Variants in PDE1A observed in about 807,000 individuals in gnomAD.
PDE1A encodes dual specificity calcium/calmodulin-dependent 3',5'-cyclic nucleotide phosphodiesterase 1A.
In PDE1A, 35 loss-of-function variants were observed where a neutral mutation model predicts 61.7. The ratio of observed to expected loss-of-function variants is 0.57; its 90% confidence interval spans 0.43 to 0.75. The LOEUF (loss-of-function observed/expected upper bound fraction) is 0.75. PDE1A is among the 30% of genes least tolerant of loss of function. The pLI is 0.00. For missense variants in PDE1A, 597 were observed against 630.6 expected, an observed-to-expected ratio of 0.95 and a Z score of 0.57; for synonymous variants, 232 against 213.2, an observed-to-expected ratio of 1.09 and a Z score of -0.77.
At chr2:182,307,821 A>G (rs1463089553) in intron 1 of PDE1A, among the ~76,000 whole-genome samples, 3 of 152,092 alleles carry the variant, frequency 2.0e-5, no homozygotes, top group Non-Finnish European at 4.4e-5. Flanking sequence ...ATGCCACTGA[A>G]CTCTAGCATG....
chr2:182,151,806 T>C (rs1194532338), intron 13 of PDE1A, among the ~76,000 whole-genome samples: 1 of 152,236 alleles, frequency 6.6e-6, no homozygotes, highest in Non-Finnish European at 1.5e-5. Context: ...AATGATTTAA[T>C]AGCTTATTTT....
chr2:182,467,421 C>T (rs1686745947), intron 2 of PDE1A, among the ~76,000 whole-genome samples: 1 of 151,502 alleles, frequency 6.6e-6, no homozygotes, highest in Admixed American at 6.6e-5. Flanking sequence ...TAAAACCTTC[C>T]CAAAAGGAAA....
the PDE1A span, among the ~76,000 whole-genome samples, chr2:182,537,101 CTG>C: frequency 6.6e-6 from 1 of 152,184 alleles, no homozygotes; most frequent in Non-Finnish European, 1.5e-5. Flanking sequence ...CTCACAGAAA[CTG>C]TGAGAAATAA....
At chr2:182,244,212 T>C (rs772415674) in intron 2 of PDE1A, among the ~76,000 whole-genome samples, 1 of 152,188 alleles carries the variant, frequency 6.6e-6, no homozygotes, top group Non-Finnish European at 1.5e-5. Context: ...CATTTTTTTC[T>C]GTTCCATTTG....
intron 1 of PDE1A, among the ~76,000 whole-genome samples, chr2:182,409,353 T>G (rs1702481721): frequency 6.6e-6 from 1 of 152,184 alleles, no homozygotes; most frequent in African/African-American, 2.4e-5. Flanking sequence ...ACCAATTAAA[T>G]AAGGCCCAAG....
At chr2:182,576,288 G>A in the PDE1A span, among the ~76,000 whole-genome samples, 1 of 151,980 alleles carries the variant, frequency 6.6e-6, no homozygotes, top group Non-Finnish European at 1.5e-5. Flanking sequence ...GACTACTGTA[G>A]GTACCTCTTA....
intron 7 of PDE1A, among the ~76,000 whole-genome samples, chr2:182,209,846 C>G (rs897901221): frequency 2.6e-5 from 4 of 152,098 alleles, no homozygotes; most frequent in African/African-American, 9.7e-5. Context: ...TCAATTGAAC[C>G]TCTTTTCTTT....
At chr2:182,530,975 T>G in the PDE1A span, among the ~76,000 whole-genome samples, 1 of 152,036 alleles carries the variant, frequency 6.6e-6, no homozygotes, top group Non-Finnish European at 1.5e-5. Context: ...ATATATAAAA[T>G]TATTATAAAT....
the PDE1A span, among the ~76,000 whole-genome samples, chr2:182,690,343 G>A: frequency 6.6e-6 from 1 of 152,196 alleles, no homozygotes; most frequent in East Asian, 1.9e-4. Flanking sequence ...GATCAAGTGG[G>A]CTTCATCCCT....
chr2:182,173,616 T>C (rs1208973755), intron 13 of PDE1A, among the ~76,000 whole-genome samples: 1 of 151,872 alleles, frequency 6.6e-6, no homozygotes, highest in East Asian at 1.9e-4. Flanking sequence ...ATGATCTCAT[T>C]TAAACTTCTA....
intron 1 of PDE1A, among the ~76,000 whole-genome samples, chr2:182,356,391 T>C (rs1460280165): frequency 6.6e-6 from 1 of 152,198 alleles, no homozygotes; most frequent in Admixed American, 6.5e-5. Flanking sequence ...AAATCGTATA[T>C]TAAGAATTTT....
intron 1 of PDE1A, among the ~76,000 whole-genome samples, chr2:182,416,837 C>G (rs781381896): frequency 6.6e-6 from 1 of 152,128 alleles, no homozygotes; most frequent in Non-Finnish European, 1.5e-5. Context: ...TACAAAACTT[C>G]TAATATGCTT....
At chr2:182,703,966 T>C in the PDE1A span, among the ~76,000 whole-genome samples, 1 of 151,552 alleles carries the variant, frequency 6.6e-6, no homozygotes, top group Non-Finnish European at 1.5e-5. Flanking sequence ...TTTGGGAGGC[T>C]GAGGCGGGAG....
chr2:182,407,029 C>T (rs995388996), intron 1 of PDE1A, among the ~76,000 whole-genome samples: 95 of 152,054 alleles, frequency 6.2e-4, no homozygotes, highest in Admixed American at 9.2e-4. Context: ...CTATTTTCCC[C>T]GAGAGTACTT....
rs74612910 is a variant in PDE1A, at chr2:182,384,872, T to A, written c.53+41706A>T. On this transcript the variant is annotated intron_variant, in intron 1 of 13. Coordinates refer to ENST00000351439, the Ensembl canonical transcript of PDE1A. ...AATAAGACTACCCCAGTACCTATTA[T>A]AATCAAACTGTCAAAAACTCAAAGA... is the stretch of plus-strand genomic sequence containing the variant. Among the ~76,000 whole-genome samples the A allele has an allele frequency of 5.6e-3, 860 of 152,242 alleles. 7 individuals carry two copies. The highest frequency in any genetic ancestry group is 0.02 in the African/African-American group (829 of 41,546).
intron 10 of PDE1A, among the ~76,000 whole-genome samples, chr2:182,200,646 C>T (rs1350704253): frequency 6.6e-6 from 1 of 152,140 alleles, no homozygotes; most frequent in African/African-American, 2.4e-5. Flanking sequence ...AAGGATAGCA[C>T]TTTTGAAGTT....
At chr2:182,150,243 G>A (rs1237722783) in intron 13 of PDE1A, among the ~76,000 whole-genome samples, 1 of 152,148 alleles carries the variant, frequency 6.6e-6, no homozygotes, top group African/African-American at 2.4e-5. Flanking sequence ...CCCTCTCTAA[G>A]TATTCTGACC....
At chr2:182,202,992 G>A (rs1379647706) in intron 8 of PDE1A, among the ~76,000 whole-genome samples, 1 of 152,184 alleles carries the variant, frequency 6.6e-6, no homozygotes, top group South Asian at 2.1e-4. Flanking sequence ...ACTTAAAGAT[G>A]ATATAATCTA....
intron 13 of PDE1A, among the ~76,000 whole-genome samples, chr2:182,171,756 C>G (rs1372747700): frequency 6.6e-6 from 1 of 151,232 alleles, no homozygotes; most frequent in Non-Finnish European, 1.5e-5. Flanking sequence ...CAAACTGCTA[C>G]TAGATGAGAG....
Sources: gnomAD v4.1 joint callset for allele counts (sites outside exome capture counted in the v4.1 genomes callset) on GRCh38, gnomAD v4.1.1 for gene constraint, MANE v1.5 for transcripts, NCBI Gene and HGNC (gene_info 2026-07-23, HGNC 2026-07-21) for gene names.